ABHD18: variants seen among roughly 807,000 people sequenced by gnomAD.
ABHD18 encodes the protein cardiolipin-specific deacylase, mitochondrial.
In ABHD18, 55 loss-of-function variants were observed where a neutral mutation model predicts 65.9. The observed-to-expected ratio is 0.84, with a 90% CI of 0.67 to 1.05. ABHD18 has a LOEUF of 1.05. Ranked by LOEUF, ABHD18 falls within the 50% of genes least tolerant of loss-of-function variation. ABHD18 has a pLI of 0.00. For synonymous variants in ABHD18, 181 were observed against 180.2 expected, an observed-to-expected ratio of 1.00 and a Z score of -0.04; for missense variants, 533 against 558.5, an observed-to-expected ratio of 0.95 and a Z score of 0.46.
At chr4:127,970,538 G>A (rs201963554) in intron 1 of ABHD18, among the ~76,000 whole-genome samples, 2 of 145,422 alleles carry the variant, frequency 1.4e-5, no homozygotes, top group African/African-American at 2.6e-5. Context: ...GTGGTGAGCC[G>A]AGATCGCACC....
intron 2 of ABHD18, 51 bp from the exon 3 acceptor site, chr4:127,984,288 A>G (rs1749586550): frequency 9.7e-7 from 1 of 1,030,388 alleles, no homozygotes; most frequent in African/African-American, 1.6e-5. Context: ...TGTGCTTAGT[A>G]GGTGATATAA....
intron 4 of ABHD18, among the ~76,000 whole-genome samples, chr4:127,998,281 CT>C (rs993883974): frequency 1.0e-3 from 124 of 119,846 alleles, no homozygotes; most frequent in East Asian, 1.5e-3. Flanking sequence ...CAAGACGTTT[CT>C]TTTTTTTTTT....
rs971182138 is a variant in ABHD18 at position 128,026,184 on chromosome 4, G to C, written c.802-2291G>C. Among the ~76,000 whole-genome samples the C allele has an allele frequency of 1.3e-5, 2 of 152,282 alleles. 1 individual carries two copies. Among genetic ancestry groups the C allele is most frequent in the South Asian group, 4.1e-4 (2 of 4,822 alleles). ...GGCACCTGTAATCCCAGCTACCCGG[G>C]AGGCTGAGGCAGAGAATTGCTTGAA... On this transcript the variant is annotated intron_variant, in intron 10 of 12. Transcript: ENST00000645843.
chr4:128,023,403 CAAAAAAA>C (rs59549849), intron 10 of ABHD18, among the ~76,000 whole-genome samples: 3 of 44,950 alleles, frequency 6.7e-5, no homozygotes, highest in African/African-American at 2.8e-4. Context: ...CTTGTCTCTA[CAAAAAAA>C]AAAAAAAAAA....
intron 4 of ABHD18, among the ~76,000 whole-genome samples, chr4:128,008,261 CTTT>C (rs1167728243): frequency 1.2e-3 from 117 of 97,748 alleles, no homozygotes; most frequent in African/African-American, 4.5e-3. Context: ...GACTCCGTTC[CTTT>C]TTTTTTTTTT....
intron 8 of ABHD18, among the ~76,000 whole-genome samples, chr4:128,018,249 G>C (rs1421245987): frequency 6.6e-6 from 1 of 152,110 alleles, no homozygotes; most frequent in Admixed American, 6.6e-5. Context: ...TTGAGATATT[G>C]AGGGCCAGGA....
rs770330173 is a variant in ABHD18, at chr4:128,030,564, T to C, written c.1235T>C (p.Ile412Thr). Residue 412 changes from isoleucine to threonine, a missense_variant, in exon 12 of 13, where the codon ATT becomes ACT. This residue lies in a region of ABHD18 where 220 missense variants were observed against 226.8 expected (regional missense o/e 0.97). Transcript: ENST00000645843. ...IVVQAKEDAY[I>T]PRTGVRSLQE... is the part of the protein sequence containing the mutation. ...GTTCAAGCCAAAGAAGATGCCTATA[T>C]TCCACGAACAGGAGTTCGAAGTTTA... 6.2e-6 allele frequency: 10 copies of C among 1,607,346 alleles called. No individual in the cohort carries two copies. In the Admixed American group the frequency reaches 1.7e-4, roughly 28 times the overall value.
At chr4:128,007,605 G>A (rs981272883) in intron 4 of ABHD18, among the ~76,000 whole-genome samples, 4 of 151,208 alleles carry the variant, frequency 2.6e-5, no homozygotes, top group African/African-American at 9.7e-5. Flanking sequence ...GCTGGGCTTG[G>A]TAGCAGATAT....
intron 12 of ABHD18, among the ~76,000 whole-genome samples, chr4:128,033,959 C>CTTT (rs996416880): frequency 4.9e-5 from 6 of 123,434 alleles, no homozygotes; most frequent in African/African-American, 9.0e-5. Context: ...TTTCTTTTTT[C>CTTT]TTTTTTTTTT....
intron 12 of ABHD18, among the ~76,000 whole-genome samples, chr4:128,034,066 C>A (rs1225092235): frequency 6.8e-6 from 1 of 147,874 alleles, no homozygotes; most frequent in Middle Eastern, 3.6e-3. Context: ...TCAAGCAATT[C>A]TCCTGCCTCA....
intron 1 of ABHD18, among the ~76,000 whole-genome samples, chr4:127,967,195 T>C (rs1745766154): frequency 1.3e-5 from 2 of 151,736 alleles, no homozygotes; most frequent in African/African-American, 4.8e-5. Context: ...TAGATAAATA[T>C]ATGTTGGATG....
intron 4 of ABHD18, among the ~76,000 whole-genome samples, chr4:127,990,446 C>A (rs925992870): frequency 6.6e-6 from 1 of 152,064 alleles, no homozygotes; most frequent in East Asian, 1.9e-4. Flanking sequence ...CACCTGTAAT[C>A]CCAGCTACCT....
chr4:128,012,719 G>GAA (rs997921883), intron 7 of ABHD18, among the ~76,000 whole-genome samples: 1 of 152,026 alleles, frequency 6.6e-6, no homozygotes, highest in African/African-American at 2.4e-5. Context: ...AAAAGTAAAT[G>GAA]AAAAGCCCAA....
At chr4:128,021,936 T>A (rs1438921375) in intron 10 of ABHD18, among the ~76,000 whole-genome samples, 1 of 152,208 alleles carries the variant, frequency 6.6e-6, no homozygotes, top group Non-Finnish European at 1.5e-5. Context: ...CTGTAGACCC[T>A]ATAGTTCTTT....
intron 4 of ABHD18, among the ~76,000 whole-genome samples, chr4:127,996,662 C>A (rs1265284365): frequency 2.6e-5 from 4 of 152,086 alleles, no homozygotes; most frequent in Non-Finnish European, 2.9e-5. Context: ...TCCTAGTAAA[C>A]CTGAGGGTAC....
chr4:128,003,292 CA>C (rs1462519759), intron 4 of ABHD18, among the ~76,000 whole-genome samples: 2 of 150,980 alleles, frequency 1.3e-5, no homozygotes, highest in East Asian at 3.9e-4. Flanking sequence ...CACTTGAACC[CA>C]GGAGGTGGAG....
At chr4:128,034,865 T>G (rs905277380) in intron 12 of ABHD18, among the ~76,000 whole-genome samples, 8 of 152,160 alleles carry the variant, frequency 5.3e-5, no homozygotes, top group African/African-American at 1.9e-4. Context: ...TTGATCAGGC[T>G]GGTCTCAAAC....
At chr4:128,022,405 G>A (rs72618818) in intron 10 of ABHD18, among the ~76,000 whole-genome samples, 7,254 of 152,080 alleles carry the variant, frequency 0.048, 408 homozygotes, top group East Asian at 0.27. Context: ...ATTGCTCTAC[G>A]TTGCCTGAAA....
intron 4 of ABHD18, among the ~76,000 whole-genome samples, chr4:127,993,268 G>T (rs1230637428): frequency 4.6e-5 from 7 of 152,110 alleles, no homozygotes; most frequent in Non-Finnish European, 1.0e-4. Flanking sequence ...AAGAAAGGAG[G>T]AAAATTATGT....
Sources: allele counts gnomAD v4.1 joint callset (sites outside exome capture counted in the v4.1 genomes callset), GRCh38; gene constraint gnomAD v4.1.1; regional missense constraint gnomAD v4.1.1; transcripts MANE v1.5; gene names NCBI Gene and HGNC (gene_info 2026-07-23, HGNC 2026-07-21).